The following MYO9B variants were observed in gnomAD, a reference collection of about 807,000 sequenced individuals.
MYO9B encodes the protein myosin IXB.
MYO9B carries 71 observed loss-of-function variants against 229.5 expected under a neutral mutation model. The observed-to-expected ratio is 0.31, with a 90% CI of 0.26 to 0.38. MYO9B has a LOEUF of 0.38. Ranked by LOEUF, MYO9B falls within the 10% of genes least tolerant of loss-of-function variation. The pLI is 1.00. For missense variants in MYO9B, 2,255 were observed against 2,920.5 expected, an observed-to-expected ratio of 0.77 and a Z score of 5.25; for synonymous variants, 1,185 against 1,235.8, an observed-to-expected ratio of 0.96 and a Z score of 0.86.
intron 15 of MYO9B, 118 bp downstream of exon 15, chr19:17,181,158 G>A (rs562172371): frequency 3.9e-5 from 25 of 640,414 alleles, no homozygotes; most frequent in African/African-American, 3.5e-4. Context: ...CCACAGTGCT[G>A]TCTCATGGCC....
chr19:17,183,025 A>G (rs1355367817), intron 15 of MYO9B, among the ~76,000 whole-genome samples: 1 of 151,828 alleles, frequency 6.6e-6, no homozygotes, highest in Non-Finnish European at 1.5e-5. Flanking sequence ...GGGTTGAAGC[A>G]GTTCTCCTGC....
intron 1 of MYO9B, among the ~76,000 whole-genome samples, chr19:17,081,418 A>G (rs1391746031): frequency 6.6e-6 from 1 of 152,162 alleles, no homozygotes; most frequent in Admixed American, 6.5e-5. Context: ...CACTCCTTTA[A>G]ATAAACACTT....
In MYO9B at chr19:17,132,935, C is replaced by T. The variant is rs1284448024; in HGVS notation, c.841-12462C>T. ...TGATCTCGGCTCACTGCAAGCTCCA[C>T]CTCCCAGGTTCGTGCCATTCCCCTG... On this transcript the variant is annotated intron_variant, in intron 2 of 39. Transcript: ENST00000682292. Among the ~76,000 whole-genome samples the T allele has an allele frequency of 2.6e-5, 4 of 151,482 alleles. No individual in the cohort carries two copies. In the East Asian group the frequency reaches 7.8e-4, roughly 29 times the overall value.
intron 2 of MYO9B, among the ~76,000 whole-genome samples, chr19:17,132,738 G>C (rs1239340788): frequency 1.4e-5 from 2 of 147,134 alleles, no homozygotes; most frequent in East Asian, 4.0e-4. Flanking sequence ...ATGTTGGCCA[G>C]GCTGGTCTTG....
intron 2 of MYO9B, among the ~76,000 whole-genome samples, chr19:17,134,387 T>G (rs866607889): frequency 1.0e-3 from 85 of 84,244 alleles, no homozygotes; most frequent in Admixed American, 4.5e-3. Flanking sequence ...GTTTGTTTTT[T>G]TTTTTTTTTT....
rs370873250 is a variant in MYO9B, at chr19:17,112,506, C to T, written c.840+9949C>T. Among the ~76,000 whole-genome samples, 38 of 152,258 alleles carry T rather than the reference C, an allele frequency of 2.5e-4. No individual in the cohort carries two copies. The East Asian group carries it at 2.5e-3, about 10-fold the overall frequency. On this transcript the variant is annotated intron_variant, in intron 2 of 39. Transcript: ENST00000682292. ...GCGTTTGCACGTGGCTTCCCAAGTG[C>T]GACAGAGAGGGAGTCCTGGGAGCAA...
chr19:17,095,158 G>A (rs960924120), intron 1 of MYO9B, among the ~76,000 whole-genome samples: 5 of 152,108 alleles, frequency 3.3e-5, no homozygotes, highest in African/African-American at 9.7e-5. Context: ...CAGGAGAATC[G>A]CTTGAACCCA....
chr19:17,212,217 A>G lies in MYO9B; in HGVS notation c.6381A>G (p.Leu2127=), dbSNP rs777004705. ...CAGTGCAGGGCGCCCTGGAGCCCCT[A>G]GAAGAGGATGGCCAGCCACCTGGGG... is the stretch of plus-strand genomic sequence containing the variant. ...DLPVQGALEP[L]EEDGQPPGAK... is the part of the protein sequence containing the mutation. Residue 2127 remains leucine (L), a synonymous_variant, in exon 40 of 40, where the codon CTA becomes CTG. Coordinates refer to ENST00000682292, the MANE Select transcript of MYO9B (RefSeq NM_004145.4). The surrounding 1 kb of genome is among the most constrained non-coding windows in gnomAD (Gnocchi z 5.4). 7 of 1,583,858 alleles carry G rather than the reference A, an allele frequency of 4.4e-6. No homozygotes were observed. The highest frequency in any genetic ancestry group is 6.0e-6 in the Non-Finnish European group (7 of 1,166,708).
At position 17,172,197 on chromosome 19, in the gene MYO9B, C is replaced by T; in HGVS notation, c.1794-139C>T. ...ACTCCTTCACCCACCCCTCTGTGCA[C>T]AGAGCCCTGTGCCACTTCACTGCTC... On this transcript the variant is annotated intron_variant, in intron 11 of 39. Coordinates refer to ENST00000682292, the MANE Select transcript of MYO9B (RefSeq NM_004145.4). The surrounding 1 kb of genome is among the most constrained non-coding windows in gnomAD (Gnocchi z 8.2). The T allele has an allele frequency of 9.1e-7, 1 of 1,098,512 alleles. No individual in the cohort carries two copies. Among genetic ancestry groups the T allele is most frequent in the Non-Finnish European group, 1.3e-6 (1 of 779,070 alleles). The allele number at this position is 1,098,512 out of a possible 1,614,324, so 68.0% of individuals were successfully genotyped here.
intron 20 of MYO9B, among the ~76,000 whole-genome samples, 189 bp from the exon 21 acceptor site, chr19:17,192,557 T>C (rs545585004): frequency 6.6e-6 from 1 of 152,204 alleles, no homozygotes; most frequent in Non-Finnish European, 1.5e-5. Flanking sequence ...ATCATGCCAC[T>C]GCACTCCAGC....
In MYO9B at chr19:17,131,071, G is replaced by A. The variant is rs185837343; in HGVS notation, c.841-14326G>A. On this transcript the variant is annotated intron_variant, in intron 2 of 39. Transcript: ENST00000682292. ...TCTTCAGCAAGAATCCTGTTAGGTC[G>A]GTTTAGCTAGAAACTGCTGTATGCT... 5.3e-5 allele frequency among the ~76,000 whole-genome samples: 8 copies of A among 152,204 alleles called. No individual in the cohort carries two copies. The East Asian group carries it at 1.2e-3, about 22-fold the overall frequency.
At chr19:17,208,992 C>G (rs1377394525) in intron 35 of MYO9B, among the ~76,000 whole-genome samples, 3 of 152,098 alleles carry the variant, frequency 2.0e-5, no homozygotes. Context: ...GGCTGAGTCC[C>G]TCTGGTACTG....
chr19:17,202,095 C>G, intron 27 of MYO9B, 35 bp from the exon 28 acceptor site: 1 of 1,612,624 alleles, frequency 6.2e-7, no homozygotes, highest in East Asian at 2.2e-5. Flanking sequence ...CGCCCCTTGC[C>G]CAGGCCTGCA....
chr19:17,208,336 C>G (rs1248253007), intron 35 of MYO9B, among the ~76,000 whole-genome samples: 1 of 45,654 alleles, frequency 2.2e-5, no homozygotes, highest in Non-Finnish European at 3.3e-5. Context: ...GAGACTCCGT[C>G]TCAAAAAAAA....
intron 17 of MYO9B, 129 bp from the exon 18 acceptor site, chr19:17,185,792 C>T (rs1401492491): frequency 1.5e-6 from 1 of 674,302 alleles, no homozygotes; most frequent in Non-Finnish European, 2.6e-6. Context: ...GTCCCACCAC[C>T]AGGGACCCAC....
rs918571435 is a variant in MYO9B at position 17,206,950 on chromosome 19, G to A, written c.5493-163G>A. ...GGGGCCAGGCTGCTGGGCCGCCCGG[G>A]TCCCTTGAGGTACCTCTCTGTGCTG... On this transcript the variant is annotated intron_variant, in intron 34 of 39. Coordinates refer to ENST00000682292, the MANE Select transcript of MYO9B (RefSeq NM_004145.4). The A allele has an allele frequency of 7.9e-6, 10 of 1,271,034 alleles. No individual in the cohort carries two copies. The African/African-American group carries it at 1.2e-4, about 15-fold the overall frequency. The allele number at this position is 1,271,034 out of a possible 1,614,324, so 78.7% of individuals were successfully genotyped here.
Position 17,169,803 on chromosome 19 carries a change from T to TCC in MYO9B, c.1793+1739_1793+1740insCC, listed in dbSNP as rs1491533344. On this transcript the variant is annotated intron_variant, in intron 11 of 39. Transcript: ENST00000682292. ...CATTCATCTCAATCCTGTCTCCTCC[T>TCC]TTTTTTTTTTTTTTTTTTTTTTTTT... is the stretch of plus-strand genomic sequence containing the variant. Among the ~76,000 whole-genome samples the TCC allele has an allele frequency of 3.6e-3, 175 of 48,968 alleles. 5 individuals carry two copies. The highest frequency in any genetic ancestry group is 0.015 in the African/African-American group (91 of 5,926). 32.1% of individuals were successfully genotyped at this position (48,968 alleles called of 152,430 possible). A position where few individuals can be genotyped will look rare whatever the true frequency, so the allele number is the denominator to read the frequency against.
intron 19 of MYO9B, among the ~76,000 whole-genome samples, chr19:17,189,933 C>T (rs528426150): frequency 5.9e-4 from 89 of 151,576 alleles, no homozygotes; most frequent in East Asian, 2.8e-3. Context: ...GGAGAGGTGG[C>T]GGGTGCCTGT....
intron 1 of MYO9B, among the ~76,000 whole-genome samples, chr19:17,098,115 C>T (rs2057710669): frequency 6.7e-6 from 1 of 149,326 alleles, no homozygotes; most frequent in Non-Finnish European, 1.5e-5. Flanking sequence ...AATGCAGTGG[C>T]ATGATTGCGG....
Sources: allele counts gnomAD v4.1 joint callset (sites outside exome capture counted in the v4.1 genomes callset), GRCh38; gene constraint gnomAD v4.1.1; non-coding constraint Gnocchi (gnomAD v3.1); transcripts MANE v1.5; gene names NCBI Gene and HGNC (gene_info 2026-07-23, HGNC 2026-07-21).